Variants in CDS1 observed in about 807,000 individuals in gnomAD.
The protein encoded by CDS1 is CDP-diacylglycerol synthase 1.
In CDS1, 41 loss-of-function variants were observed where a neutral mutation model predicts 62.1. That is an observed-to-expected ratio of 0.66 (90% CI 0.51 to 0.86). The LOEUF (loss-of-function observed/expected upper bound fraction) is 0.86. CDS1 is among the 40% of genes least tolerant of loss of function. The pLI, the probability that CDS1 is intolerant of heterozygous loss-of-function variation, is 0.00. For missense variants in CDS1, 470 were observed against 550.1 expected, an observed-to-expected ratio of 0.85 and a Z score of 1.46; for synonymous variants, 185 against 192.6, an observed-to-expected ratio of 0.96 and a Z score of 0.32.
At chr4:84,605,294 A>T (rs2110047868) in intron 2 of CDS1, among the ~76,000 whole-genome samples, 1 of 152,180 alleles carries the variant, frequency 6.6e-6, no homozygotes, top group East Asian at 1.9e-4. Flanking sequence ...ATACCCTCTG[A>T]TTTCTTTTGT....
Position 84,599,403 on chromosome 4 carries a change from CACATATATATATATATATATATATATAT to C in CDS1, c.118-4838_118-4811del, listed in dbSNP as rs1178939885. On this transcript the variant is annotated intron_variant, in intron 1 of 12. Coordinates refer to ENST00000295887, the MANE Select transcript of CDS1 (RefSeq NM_001263.4). ...AATTTGGCAAATTTTGACACACACA[CACATATATATATATATATATATATATAT>C]ATATATATATATATATATATGCCTA... Among the ~76,000 whole-genome samples the C allele has an allele frequency of 1.8e-3, 31 of 17,228 alleles. 2 individuals are homozygous for C. In the East Asian group the frequency reaches 0.033, roughly 18 times the overall value. 11.3% of individuals were successfully genotyped at this position (17,228 alleles called of 152,430 possible). A position where few individuals can be genotyped will look rare whatever the true frequency, so the allele number is the denominator to read the frequency against.
intron 1 of CDS1, among the ~76,000 whole-genome samples, chr4:84,601,319 G>A (rs1386938583): frequency 6.6e-6 from 1 of 152,184 alleles, no homozygotes; most frequent in Non-Finnish European, 1.5e-5. Flanking sequence ...TTGGTTAACT[G>A]GATTGGCAGT....
intron 5 of CDS1, among the ~76,000 whole-genome samples, chr4:84,622,401 C>T (rs966288465): frequency 6.6e-6 from 1 of 151,904 alleles, no homozygotes; most frequent in Middle Eastern, 3.4e-3. Flanking sequence ...CCAGCCTGGC[C>T]AACATGGCGA....
At chr4:84,632,904 C>T (rs746801917) in intron 6 of CDS1, among the ~76,000 whole-genome samples, 2 of 152,214 alleles carry the variant, frequency 1.3e-5, no homozygotes, top group Non-Finnish European at 2.9e-5. Context: ...CAGGCGGATA[C>T]CTTGAGCCCA....
chr4:84,598,199 A>G (rs921976222), intron 1 of CDS1, among the ~76,000 whole-genome samples: 5 of 151,822 alleles, frequency 3.3e-5, no homozygotes, highest in South Asian at 2.1e-4. Context: ...TCAGGAGCAC[A>G]GCCTCATGTT....
chr4:84,646,999 C>G (rs1724576063), intron 12 of CDS1, among the ~76,000 whole-genome samples: 2 of 151,960 alleles, frequency 1.3e-5, no homozygotes. Flanking sequence ...TTGAATTGAT[C>G]CTTTTGTCAT....
At chr4:84,647,048 C>A (rs918992086) in intron 12 of CDS1, among the ~76,000 whole-genome samples, 11 of 152,062 alleles carry the variant, frequency 7.2e-5, no homozygotes, top group Non-Finnish European at 7.3e-5. Flanking sequence ...TTAAAGCGTA[C>A]TGTGTTGAAT....
intron 3 of CDS1, among the ~76,000 whole-genome samples, chr4:84,616,866 C>A (rs959170445): frequency 2.0e-5 from 3 of 152,184 alleles, no homozygotes; most frequent in Non-Finnish European, 2.9e-5. Context: ...AAATCTAAAC[C>A]CGTTTAATAG....
chr4:84,593,881 G>C (rs977529721), intron 1 of CDS1, among the ~76,000 whole-genome samples: 1 of 152,136 alleles, frequency 6.6e-6, no homozygotes, highest in African/African-American at 2.4e-5. Context: ...ATAAACTATT[G>C]ATTGGCTACA....
intron 3 of CDS1, among the ~76,000 whole-genome samples, chr4:84,611,066 G>A (rs1428961540): frequency 6.6e-6 from 1 of 152,232 alleles, no homozygotes; most frequent in East Asian, 1.9e-4. Context: ...GCTGCAATCT[G>A]AAGGTTGAGT....
At position 84,583,464 on chromosome 4, in the gene CDS1, C is replaced by T. The variant is rs969088009; in HGVS notation, c.63C>T (p.His21=). The T allele has an allele frequency of 1.9e-6, 3 of 1,580,828 alleles. No individual in the cohort carries two copies. The highest frequency in any genetic ancestry group is 2.6e-6 in the Non-Finnish European group (3 of 1,164,880). Residue 21 remains histidine (H), a synonymous_variant, in exon 1 of 13, where the codon CAC becomes CAT. Transcript: ENST00000295887. ...CCAGGGAAGCGGTGTCGCCGCCACA[C>T]CGCGAGGGAGAGGCGGCCGGCGGCG... ...PGPREAVSPP[H]REGEAAGGDH...
intron 5 of CDS1, among the ~76,000 whole-genome samples, chr4:84,628,006 C>T (rs145460303): frequency 2.6e-4 from 39 of 152,248 alleles, no homozygotes; most frequent in African/African-American, 8.9e-4. Context: ...GTATGGTAAT[C>T]TCCACGATGC....
At chr4:84,618,596 T>G (rs998878165) in intron 4 of CDS1, among the ~76,000 whole-genome samples, 1 of 152,214 alleles carries the variant, frequency 6.6e-6, no homozygotes, top group Non-Finnish European at 1.5e-5. Context: ...TTTCTAGATG[T>G]GGGACAGATG....
chr4:84,640,328 A>G (rs1368215455), intron 9 of CDS1, among the ~76,000 whole-genome samples: 4 of 151,908 alleles, frequency 2.6e-5, no homozygotes, highest in African/African-American at 9.7e-5. Context: ...ATTTAAATTT[A>G]TAACAGGATA....
intron 1 of CDS1, among the ~76,000 whole-genome samples, chr4:84,602,574 T>A (rs1722968988): frequency 6.6e-6 from 1 of 152,186 alleles, no homozygotes; most frequent in African/African-American, 2.4e-5. Flanking sequence ...TCTCATGCTC[T>A]TTTTGTAGGA....
At chr4:84,634,593 T>C (rs942419355) in intron 7 of CDS1, among the ~76,000 whole-genome samples, 1 of 152,196 alleles carries the variant, frequency 6.6e-6, no homozygotes, top group Non-Finnish European at 1.5e-5. Context: ...ATGGGTTTTG[T>C]CAAGATAAAT....
intron 5 of CDS1, among the ~76,000 whole-genome samples, chr4:84,627,497 C>T (rs937179851): frequency 1.3e-5 from 2 of 152,164 alleles, no homozygotes; most frequent in Non-Finnish European, 2.9e-5. Flanking sequence ...CCAGAGCAGT[C>T]ATGCAATTAT....
At chr4:84,632,605 C>T (rs1424423592) in intron 6 of CDS1, among the ~76,000 whole-genome samples, 1 of 151,906 alleles carries the variant, frequency 6.6e-6, no homozygotes, top group African/African-American at 2.4e-5. Context: ...GGAATCTGAG[C>T]ATGAAGAGTA....
chr4:84,607,437 C>A (rs1230314636), intron 2 of CDS1, among the ~76,000 whole-genome samples: 1 of 151,586 alleles, frequency 6.6e-6, no homozygotes, highest in Non-Finnish European at 1.5e-5. Flanking sequence ...CCCCCCACTC[C>A]CCCCGCCCCT....
Sources: gnomAD v4.1 joint callset for allele counts (sites outside exome capture counted in the v4.1 genomes callset) on GRCh38, gnomAD v4.1.1 for gene constraint, MANE v1.5 for transcripts, NCBI Gene and HGNC (gene_info 2026-07-23, HGNC 2026-07-21) for gene names.